CTNNA3: variants seen among roughly 807,000 people sequenced by gnomAD.
CTNNA3 encodes catenin alpha 3, also known as catenin alpha-3.
CTNNA3 carries 76 observed loss-of-function variants against 95.7 expected under a neutral mutation model. That is an observed-to-expected ratio of 0.79 (90% CI 0.66 to 0.96). The LOEUF is 0.96. Among genes scored for constraint, CTNNA3 ranks in the 40% least tolerant of loss-of-function variants. CTNNA3 has a pLI of 0.00. For synonymous variants in CTNNA3, 431 were observed against 374.4 expected (o/e 1.15, Z -1.74); for missense variants, 1,191 against 1,089.8 (o/e 1.09, Z -1.31).
chr10:66,230,758 T>G (rs2089546990), intron 13 of CTNNA3, among the ~76,000 whole-genome samples: 2 of 152,158 alleles, frequency 1.3e-5, no homozygotes, highest in Admixed American at 1.3e-4. Context: ...CAGGTGGCTC[T>G]TGGATTCTGG....
chr10:67,276,808 C>A (rs557638430), intron 5 of CTNNA3, among the ~76,000 whole-genome samples: 1 of 151,784 alleles, frequency 6.6e-6, no homozygotes, highest in Non-Finnish European at 1.5e-5. Context: ...ATTATTTTTT[C>A]TACTTTTGAT....
intron 7 of CTNNA3, among the ~76,000 whole-genome samples, chr10:67,171,381 C>A (rs531783630): frequency 6.6e-6 from 1 of 152,144 alleles, no homozygotes; most frequent in African/African-American, 2.4e-5. Context: ...TCGAGACCAG[C>A]CTGACCAACA....
chr10:67,554,719 A>C (rs1371844976), intron 3 of CTNNA3, among the ~76,000 whole-genome samples: 1 of 152,078 alleles, frequency 6.6e-6, no homozygotes, highest in Non-Finnish European at 1.5e-5. Flanking sequence ...GTTCACTCTG[A>C]TGGTAGTTTC....
chr10:66,352,363 T>C (rs2092573246), intron 12 of CTNNA3, among the ~76,000 whole-genome samples: 1 of 152,040 alleles, frequency 6.6e-6, no homozygotes, highest in South Asian at 2.1e-4. Flanking sequence ...CAAATGTGCA[T>C]GACAAATTGG....
At chr10:66,704,233 A>G (rs1848046636) in intron 9 of CTNNA3, among the ~76,000 whole-genome samples, 1 of 152,192 alleles carries the variant, frequency 6.6e-6, no homozygotes, top group South Asian at 2.1e-4. Flanking sequence ...CAGGTCATAT[A>G]TGGTAGTCAA....
At chr10:66,768,255 T>C (rs1200125097) in intron 8 of CTNNA3, among the ~76,000 whole-genome samples, 1 of 152,174 alleles carries the variant, frequency 6.6e-6, no homozygotes, top group African/African-American at 2.4e-5. Flanking sequence ...TTCATTCTAA[T>C]TGAGACATGT....
chr10:65,948,015 C>T lies in CTNNA3; in HGVS notation c.2400+18597G>A, dbSNP rs570243330. On this transcript the variant is annotated intron_variant, in intron 17 of 17. Coordinates refer to ENST00000433211, the MANE Select transcript of CTNNA3 (RefSeq NM_013266.4). Reference sequence around the variant, plus strand: ...GTGCGCGGCCAGGCGCGGTGGCTTACGCCTGTAATCCCAGCACTTTGGGAG... The same window carrying T: ...GTGCGCGGCCAGGCGCGGTGGCTTATGCCTGTAATCCCAGCACTTTGGGAG... 1.4e-3 allele frequency among the ~76,000 whole-genome samples: 216 copies of T among 152,306 alleles called. 1 individual carries two copies. Among genetic ancestry groups the T allele is most frequent in the African/African-American group, 5.0e-3 (207 of 41,586 alleles).
At chr10:67,462,719 A>G (rs1319346701) in intron 5 of CTNNA3, among the ~76,000 whole-genome samples, 1 of 152,144 alleles carries the variant, frequency 6.6e-6, no homozygotes, top group Non-Finnish European at 1.5e-5. Context: ...GTGATCTGAG[A>G]AGGTGAGATA....
intron 7 of CTNNA3, among the ~76,000 whole-genome samples, chr10:67,105,235 T>TGATAGATAGATAGATAGATAGATAGATA (rs56678810): frequency 5.3e-5 from 8 of 150,518 alleles, no homozygotes; most frequent in Non-Finnish European, 7.4e-5. Context: ...ACATATTAAA[T>TGATAGATAGATAGATAGATAGATAGATA]GATAGATAGA....
chr10:67,316,742 A>T (rs370645956), intron 5 of CTNNA3, among the ~76,000 whole-genome samples: 2 of 152,236 alleles, frequency 1.3e-5, no homozygotes, highest in South Asian at 2.1e-4. Flanking sequence ...TTTTATCTGT[A>T]AAATAGCATA....
chr10:65,980,325 G>A (rs1451525739), intron 16 of CTNNA3, among the ~76,000 whole-genome samples: 2 of 151,722 alleles, frequency 1.3e-5, no homozygotes, highest in Non-Finnish European at 3.0e-5. Flanking sequence ...AGATTGAAAC[G>A]GTAATTTAAA....
chr10:66,269,487 A>C (rs1589899928), intron 13 of CTNNA3, among the ~76,000 whole-genome samples: 1 of 152,344 alleles, frequency 6.6e-6, no homozygotes, highest in South Asian at 2.1e-4. Flanking sequence ...GGAATTGTTA[A>C]AATGTATTTT....
intron 7 of CTNNA3, among the ~76,000 whole-genome samples, chr10:67,077,154 C>A (rs576104166): frequency 2.6e-5 from 4 of 152,284 alleles, no homozygotes; most frequent in African/African-American, 9.6e-5. Context: ...CCACTCCCTG[C>A]ATCCACACTG....
At chr10:66,575,644 C>T (rs1461990958) in intron 10 of CTNNA3, among the ~76,000 whole-genome samples, 1 of 152,130 alleles carries the variant, frequency 6.6e-6, no homozygotes, top group Non-Finnish European at 1.5e-5. Context: ...GGCATTCTCA[C>T]CAGCTCTCTC....
intron 7 of CTNNA3, among the ~76,000 whole-genome samples, chr10:66,936,901 T>C (rs781779599): frequency 1.3e-5 from 2 of 152,078 alleles, no homozygotes; most frequent in Non-Finnish European, 1.5e-5. Flanking sequence ...AAGAAAGTTA[T>C]ATATTAAGAG....
intron 13 of CTNNA3, among the ~76,000 whole-genome samples, chr10:66,137,455 A>G (rs936697379): frequency 6.6e-5 from 10 of 152,154 alleles, no homozygotes; most frequent in African/African-American, 2.4e-4. Context: ...AAGAAAACCC[A>G]ATGCATGAAT....
chr10:65,954,088 T>G (rs914903620), intron 17 of CTNNA3, among the ~76,000 whole-genome samples: 8 of 152,224 alleles, frequency 5.3e-5, no homozygotes, highest in Non-Finnish European at 1.2e-4. Context: ...CTAACTGGTG[T>G]GAGATGGTAT....
chr10:66,353,191 A>T (rs2092580437), intron 12 of CTNNA3, among the ~76,000 whole-genome samples: 1 of 152,064 alleles, frequency 6.6e-6, no homozygotes, highest in Admixed American at 6.5e-5. Context: ...TCAGTAAAGC[A>T]TTTTTAATGT....
intron 12 of CTNNA3, among the ~76,000 whole-genome samples, chr10:66,325,240 G>T (rs575848378): frequency 3.9e-5 from 6 of 152,028 alleles, no homozygotes; most frequent in African/African-American, 4.8e-5. Context: ...AGTATTGACT[G>T]TTTTCTGTAC....
Sources: allele counts gnomAD v4.1 joint callset (sites outside exome capture counted in the v4.1 genomes callset), GRCh38; gene constraint gnomAD v4.1.1; transcripts MANE v1.5; gene names NCBI Gene and HGNC (gene_info 2026-07-23, HGNC 2026-07-21).